Variants in PACC1 observed in about 807,000 individuals in gnomAD.
The protein encoded by PACC1 is proton-activated chloride channel.
Under a neutral mutation model 39.7 loss-of-function variants are expected in PACC1, and 34 were observed. That is an observed-to-expected ratio of 0.86 (90% CI 0.65 to 1.14). The LOEUF is 1.14. Among genes scored for constraint, PACC1 ranks in the 50% most tolerant of loss-of-function variants. PACC1 has a pLI of 0.00. For synonymous variants in PACC1, 127 were observed against 160.6 expected (o/e 0.79, Z 1.58); for missense variants, 379 against 436.4 (o/e 0.87, Z 1.17).
intron 2 of PACC1, among the ~76,000 whole-genome samples, chr1:212,403,721 T>A (rs970717765): frequency 6.6e-6 from 1 of 151,992 alleles, no homozygotes; most frequent in African/African-American, 2.4e-5. Flanking sequence ...CATGCCATCA[T>A]GCCCAACTAA....
intron 5 of PACC1, among the ~76,000 whole-genome samples, chr1:212,378,623 T>G (rs1269066506): frequency 1.3e-5 from 2 of 152,146 alleles, no homozygotes; most frequent in African/African-American, 4.8e-5. Flanking sequence ...CCCTCTAGGC[T>G]CCACGGTGTG....
chr1:212,396,258 T>C (rs1464604024), intron 2 of PACC1, among the ~76,000 whole-genome samples: 1 of 152,040 alleles, frequency 6.6e-6, no homozygotes, highest in Non-Finnish European at 1.5e-5. Flanking sequence ...TATGCAGCCA[T>C]AAAAAAGGAT....
At chr1:212,378,704 G>A (rs539588043) in intron 5 of PACC1, among the ~76,000 whole-genome samples, 3 of 152,266 alleles carry the variant, frequency 2.0e-5, no homozygotes, top group South Asian at 2.1e-4. Flanking sequence ...ACTGTAAATC[G>A]AAGACTAAGA....
intron 2 of PACC1, among the ~76,000 whole-genome samples, chr1:212,408,434 C>T (rs1387065352): frequency 6.6e-6 from 1 of 151,836 alleles, no homozygotes; most frequent in African/African-American, 2.4e-5. Context: ...GATCTCGTCT[C>T]ACTGTAACCT....
chr1:212,370,302 C>T (rs1185794643), intron 7 of PACC1, among the ~76,000 whole-genome samples: 1 of 152,052 alleles, frequency 6.6e-6, no homozygotes, highest in Non-Finnish European at 1.5e-5. Context: ...CCGTCTCTAC[C>T]AAAAAATACA....
At chr1:212,413,829 C>A in intron 1 of PACC1, 3 of 1,442,616 alleles carry the variant, frequency 2.1e-6, no homozygotes, top group Non-Finnish European at 2.8e-6. Flanking sequence ...CTAAAGGGAG[C>A]GATGGTAACA....
At chr1:212,374,378 G>A (rs1660573463) in intron 7 of PACC1, among the ~76,000 whole-genome samples, 1 of 152,130 alleles carries the variant, frequency 6.6e-6, no homozygotes, top group African/African-American at 2.4e-5. Context: ...GTCTCATGGA[G>A]GTAGCGAGTA....
chr1:212,381,196 C>G (rs1660866077), intron 4 of PACC1, among the ~76,000 whole-genome samples: 1 of 152,160 alleles, frequency 6.6e-6, no homozygotes, highest in Admixed American at 6.5e-5. Flanking sequence ...ACGGGTTTTG[C>G]TTAAAATATA....
At chr1:212,413,669 G>T (rs1393503389) in intron 1 of PACC1, among the ~76,000 whole-genome samples, 2 of 152,220 alleles carry the variant, frequency 1.3e-5, no homozygotes, top group African/African-American at 4.8e-5. Flanking sequence ...GGTAATGGGA[G>T]ACATGGCTGC....
chr1:212,398,907 T>C (rs752417351), intron 2 of PACC1, among the ~76,000 whole-genome samples: 1 of 152,188 alleles, frequency 6.6e-6, no homozygotes, highest in Non-Finnish European at 1.5e-5. Context: ...GCCCAGCCTA[T>C]AGATGGCTTC....
At position 212,390,199 on chromosome 1, in the gene PACC1, C is replaced by T. The variant is rs560799272; in HGVS notation, c.134-3099G>A. ...CAGCACTTTGGGAGGCTGAGGCAGGCGGATCACAAGGTCAAGAGATCGAAA... is the reference window on the plus strand; with the variant it reads ...CAGCACTTTGGGAGGCTGAGGCAGGTGGATCACAAGGTCAAGAGATCGAAA... On this transcript the variant is annotated intron_variant, in intron 2 of 7. Coordinates refer to ENST00000261455, the MANE Select transcript of PACC1 (RefSeq NM_018252.3). Among the ~76,000 whole-genome samples, 343 of 151,878 alleles carry T rather than the reference C, an allele frequency of 2.3e-3. 1 individual carries two copies. The highest frequency in any genetic ancestry group is 3.5e-3 in the Admixed American group (54 of 15,244).
rs1048472225 is a variant in PACC1, at chr1:212,375,136, A to G, written c.891+57T>C. The G allele has an allele frequency of 7.3e-6, 10 of 1,368,266 alleles. No individual in the cohort carries two copies. The African/African-American group carries it at 1.2e-4, about 16-fold the overall frequency. The allele number at this position is 1,368,266 out of a possible 1,614,324, so 84.8% of individuals were successfully genotyped here. On this transcript the variant is annotated intron_variant, in intron 7 of 7. Transcript: ENST00000261455. ...AATCTTAAATAATACATCTATCATA[A>G]TCTTAAATAATACTATCATAATCTT...
intron 2 of PACC1, among the ~76,000 whole-genome samples, chr1:212,408,207 C>A (rs1419149340): frequency 6.6e-6 from 1 of 152,056 alleles, no homozygotes; most frequent in East Asian, 1.9e-4. Context: ...GGTTGGGGGC[C>A]TCATCTGTAA....
intron 5 of PACC1, among the ~76,000 whole-genome samples, chr1:212,377,941 G>C (rs1308705655): frequency 6.6e-6 from 1 of 152,180 alleles, no homozygotes; most frequent in Non-Finnish European, 1.5e-5. Flanking sequence ...CTGGCCTCAA[G>C]GCAGGAACAT....
At chr1:212,396,345 C>T (rs1389949716) in intron 2 of PACC1, among the ~76,000 whole-genome samples, 3 of 152,024 alleles carry the variant, frequency 2.0e-5, no homozygotes, top group African/African-American at 7.2e-5. Context: ...GGACAAAAAA[C>T]CAAACACTGC....
intron 2 of PACC1, among the ~76,000 whole-genome samples, chr1:212,388,853 G>A (rs1392052368): frequency 6.6e-6 from 1 of 152,142 alleles, no homozygotes; most frequent in African/African-American, 2.4e-5. Flanking sequence ...GGAGCTCCCT[G>A]AGAAGAAGTC....
At chr1:212,371,108 G>A (rs541011337) in intron 7 of PACC1, among the ~76,000 whole-genome samples, 1 of 152,140 alleles carries the variant, frequency 6.6e-6, no homozygotes, top group South Asian at 2.1e-4. Context: ...GGCTGGGCAT[G>A]GTGGCGGGTG....
At chr1:212,389,003 C>T (rs540321957) in intron 2 of PACC1, among the ~76,000 whole-genome samples, 1 of 152,258 alleles carries the variant, frequency 6.6e-6, no homozygotes, top group African/African-American at 2.4e-5. Context: ...CCACAGAAAA[C>T]AATTATAAAC....
intron 2 of PACC1, among the ~76,000 whole-genome samples, chr1:212,394,081 A>AT: frequency 6.6e-6 from 1 of 152,322 alleles, no homozygotes; most frequent in South Asian, 2.1e-4. Context: ...TCCCTAACTC[A>AT]TTTTATGAGG....
Sources: allele counts gnomAD v4.1 joint callset (sites outside exome capture counted in the v4.1 genomes callset), GRCh38; gene constraint gnomAD v4.1.1; transcripts MANE v1.5; gene names NCBI Gene and HGNC (gene_info 2026-07-23, HGNC 2026-07-21).